The following KIF13B variants were observed in gnomAD, a reference collection of about 807,000 sequenced individuals.
The protein encoded by KIF13B is kinesin family member 13B.
KIF13B carries 127 observed loss-of-function variants against 222.0 expected under a neutral mutation model. That is an observed-to-expected ratio of 0.57 (90% CI 0.50 to 0.66). The LOEUF (loss-of-function observed/expected upper bound fraction) is 0.66, where lower values mean the gene tolerates loss of function less well. Among genes scored for constraint, KIF13B ranks in the 30% least tolerant of loss-of-function variants. KIF13B has a pLI of 0.00. For synonymous variants in KIF13B, 976 were observed against 919.0 expected (o/e 1.06, Z -1.12); for missense variants, 2,173 against 2,379.0 (o/e 0.91, Z 1.80).
At chr8:29,260,837 C>T (rs562937984) in intron 1 of KIF13B, among the ~76,000 whole-genome samples, 1 of 152,056 alleles carries the variant, frequency 6.6e-6, no homozygotes, top group Non-Finnish European at 1.5e-5. Context: ...AGGCTGGTCT[C>T]GAACTCCTGA....
At chr8:29,092,703 T>C in intron 37 of KIF13B, 42 bp downstream of exon 37, 1 of 1,577,484 alleles carries the variant, frequency 6.3e-7, no homozygotes, top group Non-Finnish European at 8.6e-7. Flanking sequence ...AGCACCGCTT[T>C]ATTAGAAAAA....
chr8:29,198,003 C>T (rs930436477), intron 2 of KIF13B, among the ~76,000 whole-genome samples: 1 of 152,202 alleles, frequency 6.6e-6, no homozygotes, highest in Non-Finnish European at 1.5e-5. Flanking sequence ...TGTTTGCTTC[C>T]AATTGTCTTC....
chr8:29,101,475 T>C lies in KIF13B; in HGVS notation c.4216-2234A>G, dbSNP rs536625917. On this transcript the variant is annotated intron_variant, in intron 35 of 39. Coordinates refer to ENST00000524189, the MANE Select transcript of KIF13B (RefSeq NM_015254.4). ...GTAGAATTGGGCCAACGACAAATTA[T>C]GGAGGTGCCACCTCTTCCCCAAGGC... Among the ~76,000 whole-genome samples, 69 of 152,310 alleles carry C rather than the reference T, an allele frequency of 4.5e-4. 1 individual carries two copies. Among genetic ancestry groups the C allele is most frequent in the African/African-American group, 1.5e-3 (62 of 41,566 alleles).
intron 21 of KIF13B, among the ~76,000 whole-genome samples, chr8:29,139,339 T>G (rs765416621): frequency 2.0e-5 from 3 of 152,192 alleles, no homozygotes; most frequent in Non-Finnish European, 2.9e-5. Context: ...CATTTACTAG[T>G]CCATCACCTT....
At chr8:29,219,166 T>C (rs1814626224) in intron 2 of KIF13B, 1 of 152,306 alleles carries the variant, frequency 6.6e-6, no homozygotes, top group Non-Finnish European at 1.5e-5. Context: ...TTGGCCTTTT[T>C]CTTGCTCTGT....
At chr8:29,177,082 C>T (rs1382911948) in intron 9 of KIF13B, among the ~76,000 whole-genome samples, 1 of 152,148 alleles carries the variant, frequency 6.6e-6, no homozygotes, top group African/African-American at 2.4e-5. Flanking sequence ...ACTATGCCCC[C>T]ACAGGGAACA....
chr8:29,155,605 C>G, intron 14 of KIF13B, 121 bp downstream of exon 14: 1 of 800,382 alleles, frequency 1.2e-6, no homozygotes, highest in Non-Finnish European at 2.0e-6. Flanking sequence ...AAGGGGCCCG[C>G]CCAACCAACT....
At chr8:29,243,248 G>T (rs1815860921) in intron 2 of KIF13B, among the ~76,000 whole-genome samples, 1 of 151,694 alleles carries the variant, frequency 6.6e-6, no homozygotes, top group South Asian at 2.1e-4. Context: ...TAGGGAGGCT[G>T]AGTCAGGAGA....
chr8:29,161,676 A>C (rs1317692365), intron 12 of KIF13B, among the ~76,000 whole-genome samples: 1 of 150,694 alleles, frequency 6.6e-6, no homozygotes, highest in Non-Finnish European at 1.5e-5. Flanking sequence ...AGCCTGGGCG[A>C]CAGAGAAAGA....
Position 29,070,665 on chromosome 8 carries a change from C to T in KIF13B, c.5320G>A (p.Val1774Met). Reference protein sequence around the residue: ...PSRVRRATGPVRRRSTGLRLG... With the variant: ...PSRVRRATGPMRRRSTGLRLG... ...CGGAGTCCTGTGCTGCGCCGCCGCA[C>T]AGGGCCCGTGGCCCTGCGGACCCGG... is the stretch of plus-strand genomic sequence containing the variant. Residue 1774 changes from valine to methionine, a missense_variant, in exon 40 of 40, where the codon GTG becomes ATG. Val to Met is a conservative substitution (Grantham distance 21). Around this residue, in one of 2 missense-constraint regions of KIF13B, gnomAD observed 693 missense variants for 656.2 expected, o/e 1.06. Transcript: ENST00000524189. The surrounding 1 kb of genome is among the most constrained non-coding windows in gnomAD (Gnocchi z 4.1). 3 of 1,562,324 alleles carry T rather than the reference C, an allele frequency of 1.9e-6. No homozygotes were observed. Among genetic ancestry groups the T allele is most frequent in the Non-Finnish European group, 1.7e-6 (2 of 1,153,592 alleles).
intron 29 of KIF13B, among the ~76,000 whole-genome samples, chr8:29,119,751 T>C (rs1300860986): frequency 6.6e-6 from 1 of 152,186 alleles, no homozygotes. Flanking sequence ...GGATAAGGAC[T>C]TGTGGCAAAC....
At chr8:29,172,701 T>C (rs963521677) in intron 10 of KIF13B, among the ~76,000 whole-genome samples, 7 of 152,138 alleles carry the variant, frequency 4.6e-5, no homozygotes, top group South Asian at 2.1e-4. Context: ...TGCCATTCAT[T>C]AGTTCTGCAC....
At chr8:29,149,427 C>T (rs182364829) in intron 15 of KIF13B, among the ~76,000 whole-genome samples, 35 of 152,294 alleles carry the variant, frequency 2.3e-4, no homozygotes, top group Admixed American at 4.6e-4. Context: ...GTGACAATAA[C>T]AAGAGACCAG....
At chr8:29,108,069 G>T in intron 35 of KIF13B, 70 bp downstream of exon 35, 2 of 1,348,160 alleles carry the variant, frequency 1.5e-6, no homozygotes, top group South Asian at 1.3e-5. Context: ...AATAACCTGA[G>T]ATTTGAGAAG....
chr8:29,206,151 A>AT (rs1813925481), intron 2 of KIF13B, among the ~76,000 whole-genome samples: 1 of 149,730 alleles, frequency 6.7e-6, no homozygotes. Context: ...GGATAGGGGC[A>AT]TGGTGGCTTA....
At position 29,118,960 on chromosome 8, in the gene KIF13B, C is replaced by T. The variant is rs1320123538; in HGVS notation, c.3568G>A (p.Asp1190Asn). The T allele has an allele frequency of 6.2e-7, 1 of 1,613,778 alleles. No individual in the cohort carries two copies. Among genetic ancestry groups the T allele is most frequent in the Non-Finnish European group, 8.5e-7 (1 of 1,179,764 alleles). The stretch of plus-strand genomic sequence containing the variant: ...GCATCCCATCCACCAGCTTCTGGGT[C>T]ATCAAGATTATCCTGAGAGCTGAAA... ...DDFSSQDNLD[D>N]PEAGGWDATL... The change falls in exon 30 of 40, where the codon GAC becomes AAC. Residue 1190 changes from aspartate (D) to asparagine (N), a missense_variant. Asp to Asn is a conservative substitution (Grantham distance 23, BLOSUM62 1). Around this residue, in one of 2 missense-constraint regions of KIF13B, gnomAD observed 1,480 missense variants for 1,722.8 expected, o/e 0.86. Coordinates refer to ENST00000524189, the MANE Select transcript of KIF13B (RefSeq NM_015254.4).
At chr8:29,241,211 T>C (rs1415338316) in intron 2 of KIF13B, among the ~76,000 whole-genome samples, 1 of 152,194 alleles carries the variant, frequency 6.6e-6, no homozygotes, top group Non-Finnish European at 1.5e-5. Flanking sequence ...CATGTATGAT[T>C]TCATTTATAG....
rs1255737364 is a variant in KIF13B at position 29,150,352 on chromosome 8, G to T, written c.1567C>A (p.Pro523Thr). The part of the protein sequence containing the change: ...TFVNGSSVSS[P>T]IQLHHGDRIL... ...CTGTCCCCATGGTGTAGCTGTATTG[G>T]ACTGGAGACAGATGACCCATTTACA... Residue 523 changes from proline (P) to threonine (T), a missense_variant, in exon 15 of 40, where the codon CCA becomes ACA. Physicochemically the swap from Pro to Thr is conservative, Grantham distance 38. Around this residue, in one of 2 missense-constraint regions of KIF13B, gnomAD observed 1,480 missense variants for 1,722.8 expected, o/e 0.86. Transcript: ENST00000524189. 1 of 1,591,842 alleles carries T rather than the reference G, an allele frequency of 6.3e-7. No homozygotes were observed. The highest frequency in any genetic ancestry group is 1.7e-5 in the Admixed American group (1 of 59,288).
rs899609149 is a variant in KIF13B at position 29,071,967 on chromosome 8, G to A, written c.4871C>T (p.Pro1624Leu). ...TAVPAEEPPG[P>L]QQLVSPGRER... is the part of the protein sequence containing the mutation. ...CCGACCGGGGCTCACGAGCTGCTGG[G>A]GGCCAGGGGGCTCCTCGGCGGGGAC... Residue 1624 changes from proline (P) to leucine (L), a missense_variant, in exon 39 of 40, where the codon CCC becomes CTC. Physicochemically the swap from Pro to Leu is moderately conservative, Grantham distance 98. Coordinates refer to ENST00000524189, the MANE Select transcript of KIF13B (RefSeq NM_015254.4). This position sits in a 1 kb window ranked among gnomAD's most constrained non-coding sequence, Gnocchi z 4.9. 2 of 1,325,622 alleles carry A rather than the reference G, an allele frequency of 1.5e-6. No individual in the cohort carries two copies. The highest frequency in any genetic ancestry group is 1.9e-6 in the Non-Finnish European group (2 of 1,042,394). The allele number at this position is 1,325,622 out of a possible 1,614,324, so 82.1% of individuals were successfully genotyped here.
Sources: allele counts gnomAD v4.1 joint callset (sites outside exome capture counted in the v4.1 genomes callset), GRCh38; gene constraint gnomAD v4.1.1; regional missense constraint gnomAD v4.1.1; non-coding constraint Gnocchi (gnomAD v3.1); transcripts MANE v1.5; gene names NCBI Gene and HGNC (gene_info 2026-07-23, HGNC 2026-07-21).